The following RANBP2 variants were observed in gnomAD, a reference collection of about 807,000 sequenced individuals.
RANBP2 encodes E3 SUMO-protein ligase RanBP2.
In RANBP2, 57 loss-of-function variants were observed where a neutral mutation model predicts 303.6. The observed-to-expected ratio is 0.19, with a 90% CI of 0.15 to 0.23. The LOEUF is 0.23. RANBP2 is among the 10% of genes least tolerant of loss of function. The pLI, the probability that RANBP2 is intolerant of heterozygous loss-of-function variation, is 1.00. For synonymous variants in RANBP2, 1,167 were observed against 1,301.5 expected (o/e 0.90, Z 2.23); for missense variants, 3,138 against 3,780.8 (o/e 0.83, Z 4.46).
the RANBP2 span, among the ~76,000 whole-genome samples, chr2:108,817,980 A>G: frequency 1.3e-5 from 2 of 152,178 alleles, no homozygotes; most frequent in African/African-American, 4.8e-5. Context: ...GGCCTGCCGT[A>G]TTAAAGTTCT....
chr2:109,369,376 C>T, the RANBP2 span, among the ~76,000 whole-genome samples: 1 of 152,086 alleles, frequency 6.6e-6, no homozygotes, highest in Non-Finnish European at 1.5e-5. Context: ...AAAGAAAAGC[C>T]CCACACACTC....
chr2:109,247,437 G>A, the RANBP2 span, among the ~76,000 whole-genome samples: 2 of 152,192 alleles, frequency 1.3e-5, no homozygotes, highest in Non-Finnish European at 1.5e-5. Flanking sequence ...TGAACGTCAC[G>A]GCTCCTGACC....
the RANBP2 span, among the ~76,000 whole-genome samples, chr2:109,145,167 G>A: frequency 6.6e-6 from 1 of 152,176 alleles, no homozygotes; most frequent in Admixed American, 6.5e-5. Flanking sequence ...GTAAGGGGCA[G>A]TTCACTCCTG....
the RANBP2 span, among the ~76,000 whole-genome samples, chr2:109,629,335 ATATATATATATATATATATAT>A: frequency 0.03 from 284 of 9,484 alleles, 17 homozygotes; most frequent in African/African-American, 0.055. Context: ...ATATATATAT[ATATATATATATATATATATAT>A]TTTTTTTTTT....
At chr2:108,822,191 C>T in the RANBP2 span, among the ~76,000 whole-genome samples, 1 of 151,958 alleles carries the variant, frequency 6.6e-6, no homozygotes, top group Non-Finnish European at 1.5e-5. Flanking sequence ...TACTTTACGT[C>T]AAAAACTGTT....
At chr2:108,930,800 A>G in the RANBP2 span, among the ~76,000 whole-genome samples, 1 of 152,232 alleles carries the variant, frequency 6.6e-6, no homozygotes, top group Non-Finnish European at 1.5e-5. Flanking sequence ...AGCCTGGGGC[A>G]GAGTTCTGTG....
In RANBP2 at chr2:108,767,339, T is replaced by A. The variant is rs2557899; in HGVS notation, c.6800T>A (p.Phe2267Tyr). 1 of 1,612,056 alleles carries A rather than the reference T, an allele frequency of 6.2e-7. No homozygotes were observed. Among genetic ancestry groups the A allele is most frequent in the South Asian group, 1.1e-5 (1 of 90,986 alleles). ...LFRFGESTTG[F>Y]NFSFKSALSP... ...CGTTTTGGTGAGTCAACAACAGGAT[T>A]TAACTTCAGTTTTAAATCTGCTTTG... The change falls in exon 20 of 29, where the codon TTT becomes TAT. Residue 2267 changes from phenylalanine to tyrosine, a missense_variant. By Grantham distance (22) the Phe-to-Tyr change is conservative. Around this residue, in one of 20 missense-constraint regions of RANBP2, gnomAD observed 72 missense variants for 86.8 expected, o/e 0.83. Coordinates refer to ENST00000283195, the MANE Select transcript of RANBP2 (RefSeq NM_006267.5).
At chr2:109,136,204 C>T in the RANBP2 span, among the ~76,000 whole-genome samples, 1 of 151,696 alleles carries the variant, frequency 6.6e-6, no homozygotes, top group African/African-American at 2.4e-5. Flanking sequence ...TTACAGTTAA[C>T]ATGATCTTTT....
rs1326776833 is a variant in RANBP2 at position 108,746,811 on chromosome 2, T to C, written c.1063+13T>C. ...CTGAGCCAATCAGGTAATAGTAATA[T>C]TAAACTAATTTAATTTAAAAAGAAA... is the stretch of plus-strand genomic sequence containing the variant. On this transcript the variant is annotated intron_variant, in intron 8 of 28. Coordinates refer to ENST00000283195, the MANE Select transcript of RANBP2 (RefSeq NM_006267.5). 2 of 675,892 alleles carry C rather than the reference T, an allele frequency of 3.0e-6. No homozygotes were observed. Among genetic ancestry groups the C allele is most frequent in the Non-Finnish European group, 5.1e-6 (2 of 394,434 alleles). 41.9% of individuals were successfully genotyped at this position (675,892 alleles called of 1,614,324 possible). A position where few individuals can be genotyped will look rare whatever the true frequency, so the allele number is the denominator to read the frequency against.
the RANBP2 span, among the ~76,000 whole-genome samples, chr2:109,305,348 A>T: frequency 6.6e-6 from 1 of 151,974 alleles, no homozygotes; most frequent in Non-Finnish European, 1.5e-5. Context: ...GGTTACCTTT[A>T]ATGGCAGGTA....
At position 108,766,746 on chromosome 2, in the gene RANBP2, C is replaced by T; in HGVS notation, c.6207C>T (p.Gly2069=). The part of the protein sequence containing the change: ...NLKILKNEVN[G]KLRMLMRREQ... The stretch of plus-strand genomic sequence containing the variant: ...AAATTCTCAAAAACGAGGTCAATGG[C>T]AAACTAAGAATGCTGATGCGAAGAG... The change falls in exon 20 of 29, where the codon GGC becomes GGT. Residue 2069 remains glycine (G), a synonymous_variant. Coordinates refer to ENST00000283195, the MANE Select transcript of RANBP2 (RefSeq NM_006267.5). 1.2e-6 allele frequency: 2 copies of T among 1,611,944 alleles called. No individual in the cohort carries two copies. Among genetic ancestry groups the T allele is most frequent in the Non-Finnish European group, 1.7e-6 (2 of 1,179,836 alleles).
the RANBP2 span, among the ~76,000 whole-genome samples, chr2:109,336,041 C>G: frequency 6.6e-6 from 1 of 152,188 alleles, no homozygotes; most frequent in Admixed American, 6.5e-5. Flanking sequence ...TCAGGAAAAG[C>G]TTTAGCGTAG....
chr2:109,407,183 C>T, the RANBP2 span, among the ~76,000 whole-genome samples: 2 of 136,176 alleles, frequency 1.5e-5, no homozygotes, highest in Non-Finnish European at 3.5e-5. Flanking sequence ...CCTTCATTGG[C>T]CCTTGCCAGC....
At chr2:109,287,355 T>C in the RANBP2 span, among the ~76,000 whole-genome samples, 1 of 152,184 alleles carries the variant, frequency 6.6e-6, no homozygotes, top group Non-Finnish European at 1.5e-5. Flanking sequence ...AAAGTACATC[T>C]TGACTCTGAA....
the RANBP2 span, among the ~76,000 whole-genome samples, chr2:109,478,507 A>C: frequency 1.3e-5 from 2 of 152,222 alleles, no homozygotes; most frequent in Non-Finnish European, 2.9e-5. Context: ...TTCCATGAAA[A>C]TGTACTGAGG....
At chr2:109,744,650 ATAAT>A in the RANBP2 span, among the ~76,000 whole-genome samples, 2 of 96,710 alleles carry the variant, frequency 2.1e-5, 1 homozygote, top group Non-Finnish European at 5.3e-5. Flanking sequence ...CAAATGGCAA[ATAAT>A]TAATTGTATG....
At chr2:108,891,617 G>A in the RANBP2 span, among the ~76,000 whole-genome samples, 1,158 of 152,296 alleles carry the variant, frequency 7.6e-3, 2 homozygotes, top group Middle Eastern at 0.034. Context: ...ATCTCTGTTG[G>A]CAGTTATTTG....
At chr2:109,564,950 C>A in the RANBP2 span, among the ~76,000 whole-genome samples, 13 of 152,166 alleles carry the variant, frequency 8.5e-5, no homozygotes. Context: ...ATTCTGCAAA[C>A]TCAAGAATAC....
chr2:108,995,838 C>G, the RANBP2 span, among the ~76,000 whole-genome samples: 1 of 152,090 alleles, frequency 6.6e-6, no homozygotes, highest in Non-Finnish European at 1.5e-5. Context: ...CAGAGTAGGA[C>G]GGAAGGAGCT....
Sources: gnomAD v4.1 joint callset for allele counts (sites outside exome capture counted in the v4.1 genomes callset) on GRCh38, gnomAD v4.1.1 for gene constraint, gnomAD v4.1.1 regional missense constraint, MANE v1.5 for transcripts, NCBI Gene and HGNC (gene_info 2026-07-23, HGNC 2026-07-21) for gene names.